The following POM121C variants were observed in gnomAD, a reference collection of about 807,000 sequenced individuals.
POM121C encodes the protein nuclear envelope pore membrane protein POM 121C.
A neutral mutation model predicts 66.4 loss-of-function variants in POM121C; 20 were observed. The ratio of observed to expected loss-of-function variants is 0.30; its 90% CI spans 0.21 to 0.44. POM121C has a LOEUF of 0.44. Ranked by LOEUF, POM121C falls within the 20% of genes least tolerant of loss-of-function variation. The probability of loss-of-function intolerance (pLI) is 1.00; values close to 1 mark genes in which losing one functional copy is unlikely to be tolerated. For synonymous variants in POM121C, 286 were observed against 528.0 expected, an observed-to-expected ratio of 0.54 and a Z score of 6.28; for missense variants, 580 against 1,225.7, an observed-to-expected ratio of 0.47 and a Z score of 7.87.
chr7:75,436,687 T>C (rs1554473058), intron 7 of POM121C, among the ~76,000 whole-genome samples: 1 of 152,172 alleles, frequency 6.6e-6, no homozygotes, highest in South Asian at 2.1e-4. Context: ...TTTTTAAATA[T>C]TACCCTCAAT....
At chr7:75,484,477 A>G (rs1451793153) in intron 1 of POM121C, 2 of 310,436 alleles carry the variant, frequency 6.4e-6, no homozygotes, top group African/African-American at 4.4e-5. Context: ...TGCCTGGGCC[A>G]ACATGGCAAA....
intron 3 of POM121C, among the ~76,000 whole-genome samples, chr7:75,467,343 AAC>A (rs1563155691): frequency 7.9e-5 from 12 of 151,914 alleles, no homozygotes; most frequent in African/African-American, 2.9e-4. Context: ...CATCCTGGCT[AAC>A]ACAGTGAAAC....
In POM121C at chr7:75,450,357, G is replaced by T. The variant is rs1275617788; in HGVS notation, c.-151-8710C>A. On this transcript the variant is annotated intron_variant, in intron 3 of 14. Coordinates refer to ENST00000615331, the MANE Select transcript of POM121C (RefSeq NM_001099415.3). Reference sequence around the variant, plus strand: ...GGAAAGCTGGGGAGAATTCCTCTGAGAAAGCAGGAAAGCTGGGGAGAATTC... The same window carrying T: ...GGAAAGCTGGGGAGAATTCCTCTGATAAAGCAGGAAAGCTGGGGAGAATTC... Among the ~76,000 whole-genome samples, 17 of 152,174 alleles carry T rather than the reference G, an allele frequency of 1.1e-4. No homozygotes were observed. The East Asian group carries it at 3.3e-3, about 29-fold the overall frequency.
At chr7:75,423,575 A>G (rs1277459812) in intron 12 of POM121C, among the ~76,000 whole-genome samples, 3 of 150,988 alleles carry the variant, frequency 2.0e-5, no homozygotes, top group Non-Finnish European at 4.4e-5. Context: ...TCTGCCCTTG[A>G]GCAGGGAGGG....
rs147274085 is a variant in POM121C at position 75,464,606 on chromosome 7, G to T, written c.-152+10098C>A. Among the ~76,000 whole-genome samples the T allele has an allele frequency of 5.6e-4, 84 of 149,166 alleles. 1 individual carries two copies. Among genetic ancestry groups the T allele is most frequent in the African/African-American group, 1.9e-3 (78 of 40,248 alleles). On this transcript the variant is annotated intron_variant, in intron 3 of 14. Transcript: ENST00000615331. The stretch of plus-strand genomic sequence containing the variant: ...AGAGTGAGACCCTGTCTCAATAAAA[G>T]AATTTATTATAGACAAACTAAAGCT...
rs782516259 is a variant in POM121C, at chr7:75,419,366, C to T, written c.2820G>A (p.Gly940=). The change falls in exon 14 of 15, where the codon GGG becomes GGA. Residue 940 remains glycine, a synonymous_variant. Transcript: ENST00000615331. The part of the protein sequence containing the change: ...VGTSGSSLSF[G]ASSAPAQGFV... ...AGCCTTGGGCGGGTGCTGAAGATGCCCCAAAGGAGAGGCTGCTGCCCGATG... is the reference window on the plus strand; with the variant it reads ...AGCCTTGGGCGGGTGCTGAAGATGCTCCAAAGGAGAGGCTGCTGCCCGATG... The T allele has an allele frequency of 3.7e-6, 6 of 1,613,676 alleles. No homozygotes were observed. The highest frequency in any genetic ancestry group is 2.2e-5 in the East Asian group (1 of 44,886).
chr7:75,424,296 A>G, intron 11 of POM121C, 71 bp from the exon 12 acceptor site: 3 of 1,564,532 alleles, frequency 1.9e-6, no homozygotes, highest in Non-Finnish European at 8.8e-7. Context: ...GTCGGAGAGC[A>G]GGCTCTCAGC....
chr7:75,483,756 A>T (rs1792402031), intron 1 of POM121C, among the ~76,000 whole-genome samples: 1 of 151,898 alleles, frequency 6.6e-6, no homozygotes, highest in Non-Finnish European at 1.5e-5. Context: ...CTGATCTGCC[A>T]CACTAACTAT....
At chr7:75,429,861 T>A (rs1427479159) in intron 7 of POM121C, among the ~76,000 whole-genome samples, 1 of 151,386 alleles carries the variant, frequency 6.6e-6, no homozygotes, top group Non-Finnish European at 1.5e-5. Flanking sequence ...ATAAGTTTTT[T>A]AAAATTAGCT....
At chr7:75,442,827 T>A (rs1790714427) in intron 3 of POM121C, 1 of 1,177,838 alleles carries the variant, frequency 8.5e-7, no homozygotes, top group African/African-American at 1.6e-5. Flanking sequence ...GGGGAGACGC[T>A]ACAGCCCGGC....
chr7:75,471,088 C>T (rs1331866950), intron 3 of POM121C, among the ~76,000 whole-genome samples: 3 of 152,116 alleles, frequency 2.0e-5, no homozygotes, highest in East Asian at 3.8e-4. Flanking sequence ...ACTCATGATG[C>T]GTCTCAAAGC....
At chr7:75,467,632 T>C (rs1354918119) in intron 3 of POM121C, among the ~76,000 whole-genome samples, 4 of 151,536 alleles carry the variant, frequency 2.6e-5, no homozygotes, top group East Asian at 2.0e-4. Flanking sequence ...TAATCTGGAA[T>C]ACCCGTCTCT....
chr7:75,462,827 G>T (rs1791490369), intron 3 of POM121C, among the ~76,000 whole-genome samples: 1 of 151,986 alleles, frequency 6.6e-6, no homozygotes, highest in Non-Finnish European at 1.5e-5. Context: ...CAGCATGGGA[G>T]AAGAAGCTGT....
chr7:75,437,401 G>A (rs1311982805), intron 7 of POM121C, 114 bp downstream of exon 7: 28 of 1,400,742 alleles, frequency 2.0e-5, no homozygotes, highest in Non-Finnish European at 2.5e-5. Flanking sequence ...CAATCCTCCC[G>A]CTTTGGCCTT....
At position 75,462,515 on chromosome 7, in the gene POM121C, C is replaced by G. The variant is rs587767480; in HGVS notation, c.-152+12189G>C. ...ATTTTACTTGCCCTTGCCCCACAAC[C>G]TTCCATGGTTCAGTGGGAACCTTGA... On this transcript the variant is annotated intron_variant, in intron 3 of 14. Coordinates refer to ENST00000615331, the MANE Select transcript of POM121C (RefSeq NM_001099415.3). 2.3e-4 allele frequency among the ~76,000 whole-genome samples: 35 copies of G among 152,194 alleles called. No homozygotes were observed. The South Asian group carries it at 6.8e-3, about 30-fold the overall frequency.
At position 75,463,051 on chromosome 7, in the gene POM121C, G is replaced by A. The variant is rs187752714; in HGVS notation, c.-152+11653C>T. Among the ~76,000 whole-genome samples the A allele has an allele frequency of 5.3e-3, 805 of 152,232 alleles. 3 individuals carry two copies. The highest frequency in any genetic ancestry group is 6.4e-3 in the Non-Finnish European group (435 of 68,032). ...GCTGTACACAGACTGGGCCGGGTGC[G>A]GTGGCTCACGCCTGTAATCCCAGCA... On this transcript the variant is annotated intron_variant, in intron 3 of 14. Coordinates refer to ENST00000615331, the MANE Select transcript of POM121C (RefSeq NM_001099415.3).
chr7:75,482,416 G>A (rs782583943), intron 1 of POM121C, among the ~76,000 whole-genome samples: 3 of 152,264 alleles, frequency 2.0e-5, no homozygotes, highest in African/African-American at 2.4e-5. Context: ...TTTCTAGGCC[G>A]GGAGCAGTGG....
At chr7:75,434,441 A>G (rs1354087541) in intron 7 of POM121C, among the ~76,000 whole-genome samples, 2 of 151,764 alleles carry the variant, frequency 1.3e-5, no homozygotes, top group Non-Finnish European at 2.9e-5. Context: ...CACCTGGTTA[A>G]ATTTTTTGTA....
At chr7:75,460,664 T>C (rs1254115545) in intron 3 of POM121C, among the ~76,000 whole-genome samples, 1 of 152,092 alleles carries the variant, frequency 6.6e-6, no homozygotes, top group Non-Finnish European at 1.5e-5. Context: ...AGAGACATAC[T>C]TAAACAATGA....
Sources: gnomAD v4.1 joint callset for allele counts (sites outside exome capture counted in the v4.1 genomes callset) on GRCh38, gnomAD v4.1.1 for gene constraint, MANE v1.5 for transcripts, NCBI Gene and HGNC (gene_info 2026-07-23, HGNC 2026-07-21) for gene names.